The following FUBP3 variants were observed in gnomAD, a reference collection of about 807,000 sequenced individuals.
FUBP3 encodes the protein far upstream element-binding protein 3.
A neutral mutation model predicts 85.6 loss-of-function variants in FUBP3; 28 were observed. That is an observed-to-expected ratio of 0.33 (90% CI 0.24 to 0.45). The LOEUF is 0.45. FUBP3 is among the 20% of genes least tolerant of loss of function. The pLI is 1.00. For synonymous variants in FUBP3, 271 were observed against 271.4 expected (o/e 1.00, Z 0.01); for missense variants, 583 against 755.1 (o/e 0.77, Z 2.67).
intron 2 of FUBP3, 106 bp downstream of exon 2, chr9:130,595,694 T>G (rs965408841): frequency 2.7e-6 from 2 of 748,558 alleles, no homozygotes; most frequent in Admixed American, 1.8e-5. Flanking sequence ...GTCACTCTGT[T>G]GAGAAGAAAG....
chr9:130,593,686 T>C (rs1830732634), intron 1 of FUBP3, among the ~76,000 whole-genome samples: 1 of 152,200 alleles, frequency 6.6e-6, no homozygotes, highest in Non-Finnish European at 1.5e-5. Flanking sequence ...TCTGGGAACA[T>C]TTGGACTAGC....
intron 2 of FUBP3, among the ~76,000 whole-genome samples, chr9:130,601,843 C>T (rs528966030): frequency 1.6e-5 from 2 of 128,652 alleles, no homozygotes; most frequent in South Asian, 2.4e-4. Context: ...GCTCTGTCAC[C>T]CAGGCTGGAG....
chr9:130,582,526 T>G (rs913188915), intron 1 of FUBP3, among the ~76,000 whole-genome samples: 2 of 152,202 alleles, frequency 1.3e-5, no homozygotes, highest in African/African-American at 4.8e-5. Context: ...TAAAAACTGC[T>G]GGATATTAAA....
intron 1 of FUBP3, among the ~76,000 whole-genome samples, chr9:130,580,007 T>G (rs1332855244): frequency 3.3e-5 from 5 of 152,200 alleles, no homozygotes. Flanking sequence ...AGGGTTTGCT[T>G]AGAGCGTCTG....
intron 3 of FUBP3, among the ~76,000 whole-genome samples, chr9:130,610,198 T>G (rs1831667937): frequency 6.6e-6 from 1 of 152,244 alleles, no homozygotes; most frequent in South Asian, 2.1e-4. Context: ...CAGCCATTAT[T>G]GCAGTAACTT....
At chr9:130,605,932 C>T (rs1048183762) in intron 2 of FUBP3, among the ~76,000 whole-genome samples, 4 of 152,120 alleles carry the variant, frequency 2.6e-5, no homozygotes, top group African/African-American at 9.7e-5. Context: ...TGCAGTGAGC[C>T]GAGATCGCGC....
In FUBP3 at chr9:130,626,398, G is replaced by A. The variant is rs1829974200; in HGVS notation, c.1010G>A (p.Arg337Lys). The A allele has an allele frequency of 5.0e-6, 8 of 1,613,906 alleles. No individual in the cohort carries two copies. The highest frequency in any genetic ancestry group is 4.2e-6 in the Non-Finnish European group (5 of 1,179,926). The change falls in exon 12 of 19, where the codon AGA (arginine) becomes AAA (lysine). Residue 337 changes from arginine (R) to lysine (K), a missense_variant. By Grantham distance (26) the Arg-to-Lys change is conservative. Coordinates refer to ENST00000319725, the MANE Select transcript of FUBP3 (RefSeq NM_003934.2). ...GGCTTTGGAGGCCTGGCAGCAGCCAGAGGAAGAGGTCGTGGCCGTGGCGAC... is the reference window on the plus strand; with the variant it reads ...GGCTTTGGAGGCCTGGCAGCAGCCAAAGGAAGAGGTCGTGGCCGTGGCGAC... ...RDGFGGLAAA[R>K]GRGRGRGDWS... is the part of the protein sequence containing the mutation.
At chr9:130,617,264 A>C (rs1235606331) in intron 7 of FUBP3, among the ~76,000 whole-genome samples, 1 of 152,236 alleles carries the variant, frequency 6.6e-6, no homozygotes, top group Non-Finnish European at 1.5e-5. Flanking sequence ...GGGATTTTGC[A>C]GTTGCGAGTA....
At position 130,590,021 on chromosome 9, in the gene FUBP3, A is replaced by ATTTTTTTTT. The variant is rs60878897; in HGVS notation, c.85-5440_85-5432dup. 1.7e-4 allele frequency among the ~76,000 whole-genome samples: 8 copies of ATTTTTTTTT among 45,992 alleles called. 2 individuals are homozygous for ATTTTTTTTT. Among genetic ancestry groups the ATTTTTTTTT allele is most frequent in the African/African-American group, 2.9e-4 (3 of 10,448 alleles). 30.2% of individuals were successfully genotyped at this position (45,992 alleles called of 152,430 possible). A position where few individuals can be genotyped will look rare whatever the true frequency, so the allele number is the denominator to read the frequency against. On this transcript the variant is annotated intron_variant, in intron 1 of 18. Coordinates refer to ENST00000319725, the MANE Select transcript of FUBP3 (RefSeq NM_003934.2). ...TGAGCCACCACACCCGGCCTATTTAATTTTTTTTTTTTTTTTTTTTTTTTT... is the reference window on the plus strand; with the variant it reads ...TGAGCCACCACACCCGGCCTATTTAATTTTTTTTTTTTTTTTTTTTTTTTTTTTTTTTTT...
At chr9:130,628,078 AAACACACG>A (rs1564222764) in intron 12 of FUBP3, among the ~76,000 whole-genome samples, 1 of 127,478 alleles carries the variant, frequency 7.8e-6, no homozygotes, top group East Asian at 2.5e-4. Flanking sequence ...ACACCGCACT[AAACACACG>A]CACGCACGCA....
intron 12 of FUBP3, among the ~76,000 whole-genome samples, chr9:130,627,708 C>A (rs1371324069): frequency 6.6e-6 from 1 of 152,202 alleles, no homozygotes; most frequent in Non-Finnish European, 1.5e-5. Flanking sequence ...CCCACACTAC[C>A]CAGGCCGTCA....
At chr9:130,605,260 C>T (rs1305640154) in intron 2 of FUBP3, among the ~76,000 whole-genome samples, 2 of 152,210 alleles carry the variant, frequency 1.3e-5, no homozygotes, top group Non-Finnish European at 2.9e-5. Context: ...GCCTTCCCTG[C>T]TAGACTGTAA....
chr9:130,614,478 AGG>A lies in FUBP3; in HGVS notation c.404+134_404+135del. ...TGGCCACACAGGTAGATAATTCCAT[AGG>A]AAAAAAATCTGGGAGGTTACTGTGC... On this transcript the variant is annotated intron_variant, in intron 6 of 18. Transcript: ENST00000319725. The A allele has an allele frequency of 5.2e-6, 3 of 574,824 alleles. No homozygotes were observed. The Admixed American group carries it at 8.7e-5, about 17-fold the overall frequency. 35.6% of individuals were successfully genotyped at this position (574,824 alleles called of 1,614,324 possible).
intron 14 of FUBP3, 122 bp from the exon 15 acceptor site, chr9:130,631,820 G>A: frequency 1.2e-6 from 1 of 849,942 alleles, no homozygotes; most frequent in Non-Finnish European, 2.0e-6. Flanking sequence ...TGGGGTGGGA[G>A]CCTCTCAGAG....
At chr9:130,631,305 C>A (rs1830198822) in intron 13 of FUBP3, 5 of 1,389,872 alleles carry the variant, frequency 3.6e-6, no homozygotes, top group Non-Finnish European at 4.6e-6. Context: ...TTGGTCCCTA[C>A]CCCCAGGGTG....
chr9:130,637,917 CTT>C lies in FUBP3; in HGVS notation c.*900_*901del, dbSNP rs1028318402. On this transcript the variant is annotated 3_prime_UTR_variant, in exon 19 of 19. Transcript: ENST00000319725. ...ATTTTTAATTCCAAGGTGTTGTTTG[CTT>C]TTTTCTTTTAAATATTTTCTTAATA... The C allele has an allele frequency of 9.2e-5, 14 of 152,380 alleles. No individual in the cohort carries two copies. Among genetic ancestry groups the C allele is most frequent in the Non-Finnish European group, 1.9e-4 (13 of 67,964 alleles). 9.4% of individuals were successfully genotyped at this position (152,380 alleles called of 1,614,324 possible).
chr9:130,600,246 C>T (rs375207099), intron 2 of FUBP3, among the ~76,000 whole-genome samples: 35 of 151,924 alleles, frequency 2.3e-4, no homozygotes, highest in Non-Finnish European at 4.7e-4. Context: ...CTTCCTTCCG[C>T]GGTTACTGGG....
intron 7 of FUBP3, among the ~76,000 whole-genome samples, chr9:130,617,305 C>T (rs993376480): frequency 6.6e-6 from 1 of 152,346 alleles, no homozygotes; most frequent in African/African-American, 2.4e-5. Context: ...CGTGCCATCT[C>T]ATAACCTGGT....
intron 1 of FUBP3, among the ~76,000 whole-genome samples, chr9:130,589,705 ATTTTTTTTT>A (rs779633795): frequency 1.9e-4 from 14 of 73,808 alleles, no homozygotes; most frequent in South Asian, 9.4e-4. Flanking sequence ...ATATATATAT[ATTTTTTTTT>A]TTTTTTTTTT....
Sources: gnomAD v4.1 joint callset for allele counts (sites outside exome capture counted in the v4.1 genomes callset) on GRCh38, gnomAD v4.1.1 for gene constraint, MANE v1.5 for transcripts, NCBI Gene and HGNC (gene_info 2026-07-23, HGNC 2026-07-21) for gene names.